WNT9B: variants seen among roughly 807,000 people sequenced by gnomAD.
The protein encoded by WNT9B is Wnt family member 9B.
WNT9B carries 12 observed loss-of-function variants against 30.2 expected under a neutral mutation model. The observed-to-expected ratio is 0.40, with a 90% confidence interval of 0.26 to 0.64. The LOEUF is 0.64. WNT9B is among the 30% of genes least tolerant of loss of function. WNT9B has a pLI of 0.42. For missense variants in WNT9B, 442 were observed against 485.2 expected, an observed-to-expected ratio of 0.91 and a Z score of 0.84; for synonymous variants, 218 against 216.9, an observed-to-expected ratio of 1.01 and a Z score of -0.05.
chr17:46,834,804 C>T (rs1486253135), intron 1 of WNT9B, among the ~76,000 whole-genome samples: 2 of 152,138 alleles, frequency 1.3e-5, no homozygotes, highest in Non-Finnish European at 2.9e-5. Context: ...TTCCCCCACG[C>T]TAATATACTC....
At chr17:46,870,904 C>CTTTTTTTTTTTTTTTTTTTTTTTTT (rs144277402) in intron 1 of WNT9B, among the ~76,000 whole-genome samples, 2 of 78,386 alleles carry the variant, frequency 2.6e-5, no homozygotes, top group African/African-American at 1.0e-4. Context: ...TCCACCTTTG[C>CTTTTTTTTTTTTTTTTTTTTTTTTT]TTTTTTTTTT....
chr17:46,849,856 T>TG (rs1233916736), upstream of WNT9B, among the ~76,000 whole-genome samples: 1 of 151,644 alleles, frequency 6.6e-6, no homozygotes, highest in Non-Finnish European at 1.5e-5. Flanking sequence ...TATCTTTTTT[T>TG]TTTTGTTTTG....
Position 46,851,830 on chromosome 17 carries a change from C to T in WNT9B, c.77+115C>T. 2.0e-6 allele frequency: 1 copy of T among 492,496 alleles called. No individual in the cohort carries two copies. Among genetic ancestry groups the T allele is most frequent in the East Asian group, 3.9e-5 (1 of 25,644 alleles). The allele number at this position is 492,496 out of a possible 1,614,324, so 30.5% of individuals were successfully genotyped here. A position where few individuals can be genotyped will look rare whatever the true frequency, so the allele number is the denominator to read the frequency against. On this transcript the variant is annotated intron_variant, in intron 1 of 3. Transcript: ENST00000290015. This position sits in a 1 kb window ranked among gnomAD's most constrained non-coding sequence, Gnocchi z 4.3. ...TCCTTGGCCCCGCCGAGGTCTCGAACTCAGACCCTAGCCCGGCGCGACCCA... is the reference window on the plus strand; with the variant it reads ...TCCTTGGCCCCGCCGAGGTCTCGAATTCAGACCCTAGCCCGGCGCGACCCA...
chr17:46,876,288 T>C lies in WNT9B; in HGVS notation c.644T>C (p.Val215Ala), dbSNP rs1259325946. ...GLRTTCKCHGVSGSCAVRTCW... is the reference protein window; with the variant it reads ...GLRTTCKCHGASGSCAVRTCW... ...AGGACCACGTGTAAGTGCCATGGCGTATCAGGCTCCTGTGCCGTGCGCACC... is the reference window on the plus strand; with the variant it reads ...AGGACCACGTGTAAGTGCCATGGCGCATCAGGCTCCTGTGCCGTGCGCACC... The change falls in exon 4 of 4, where the codon GTA becomes GCA. Residue 215 changes from valine (V) to alanine (A), a missense_variant. By Grantham distance (64) the Val-to-Ala change is moderately conservative. Transcript: ENST00000290015. 6.2e-7 allele frequency: 1 copy of C among 1,613,984 alleles called. No homozygotes were observed. Among genetic ancestry groups the C allele is most frequent in the South Asian group, 1.1e-5 (1 of 91,056 alleles).
At chr17:46,861,009 G>A (rs939215532) in intron 1 of WNT9B, among the ~76,000 whole-genome samples, 2 of 152,174 alleles carry the variant, frequency 1.3e-5, no homozygotes, top group Non-Finnish European at 2.9e-5. Flanking sequence ...CAGGCCCAAG[G>A]CATCATACCT....
At chr17:46,857,589 T>G (rs1394351580) in intron 1 of WNT9B, among the ~76,000 whole-genome samples, 2 of 152,214 alleles carry the variant, frequency 1.3e-5, no homozygotes, top group Non-Finnish European at 2.9e-5. Context: ...TGTTTTCATT[T>G]CTCTTGGATA....
At chr17:46,856,805 A>T (rs1019967008) in intron 1 of WNT9B, among the ~76,000 whole-genome samples, 4 of 152,178 alleles carry the variant, frequency 2.6e-5, no homozygotes, top group African/African-American at 9.7e-5. Flanking sequence ...TTTAAATTGC[A>T]CAGTTTGGGT....
chr17:46,866,459 G>A (rs1350622924), intron 1 of WNT9B, among the ~76,000 whole-genome samples: 2 of 151,868 alleles, frequency 1.3e-5, no homozygotes, highest in Non-Finnish European at 2.9e-5. Flanking sequence ...TGTGTGTGAG[G>A]GAGTGTGAGT....
chr17:46,863,268 G>C (rs2085073837), intron 1 of WNT9B, among the ~76,000 whole-genome samples: 1 of 152,248 alleles, frequency 6.6e-6, no homozygotes, highest in South Asian at 2.1e-4. Context: ...ACTGCAGGGA[G>C]GCTGAGGGAC....
chr17:46,839,680 C>T (rs1193757554), intron 1 of WNT9B, among the ~76,000 whole-genome samples: 1 of 152,198 alleles, frequency 6.6e-6, no homozygotes, highest in Admixed American at 6.5e-5. Flanking sequence ...TCTCCCTCCC[C>T]CAGTCCCCCC....
intron 1 of WNT9B, among the ~76,000 whole-genome samples, chr17:46,861,301 C>A (rs2085033535): frequency 6.6e-6 from 1 of 152,248 alleles, no homozygotes; most frequent in South Asian, 2.1e-4. Flanking sequence ...TAGTAGAGAC[C>A]TCGGGGCCCT....
Position 46,878,703 on chromosome 17 carries a change from G to A in WNT9B, c.*1985G>A, listed in dbSNP as rs1401637583. On this transcript the variant is annotated 3_prime_UTR_variant, in exon 4 of 4. Coordinates refer to ENST00000290015, the MANE Select transcript of WNT9B (RefSeq NM_003396.3). ...GGCGTAAGGCAGCAGGGACCTCACT[G>A]GCAGAGCAGGGGGCCTGGGAGCAAC... Among the ~76,000 whole-genome samples, 1 of 152,136 alleles carries A rather than the reference G, an allele frequency of 6.6e-6. No homozygotes were observed. The highest frequency in any genetic ancestry group is 1.5e-5 in the Non-Finnish European group (1 of 68,030).
chr17:46,860,491 A>C (rs1210380459), intron 1 of WNT9B, among the ~76,000 whole-genome samples: 1 of 152,182 alleles, frequency 6.6e-6, no homozygotes, highest in Non-Finnish European at 1.5e-5. Flanking sequence ...TCTACCACTT[A>C]CTGACTGACC....
chr17:46,881,306 C>T (rs1244002431), downstream of WNT9B, among the ~76,000 whole-genome samples: 1 of 152,288 alleles, frequency 6.6e-6, no homozygotes, highest in African/African-American at 2.4e-5. Flanking sequence ...TCCTAACATG[C>T]TCCTTCTACC....
At chr17:46,860,252 G>T (rs2085013208) in intron 1 of WNT9B, among the ~76,000 whole-genome samples, 1 of 152,182 alleles carries the variant, frequency 6.6e-6, no homozygotes, top group Non-Finnish European at 1.5e-5. Context: ...GAGGAGGGAA[G>T]CGGGGCCGGC....
chr17:46,847,944 C>T (rs1036540071), upstream of WNT9B, among the ~76,000 whole-genome samples: 4 of 149,612 alleles, frequency 2.7e-5, no homozygotes, highest in African/African-American at 9.9e-5. Context: ...AGCTTTCAGC[C>T]TCATCATGTT....
chr17:46,858,865 C>A (rs902788150), intron 1 of WNT9B, among the ~76,000 whole-genome samples: 1 of 151,792 alleles, frequency 6.6e-6, no homozygotes. Flanking sequence ...TGGGGTTTTG[C>A]TATGTTGCTC....
At chr17:46,868,300 C>A (rs1380394514) in intron 1 of WNT9B, among the ~76,000 whole-genome samples, 1 of 152,146 alleles carries the variant, frequency 6.6e-6, no homozygotes. Flanking sequence ...TCATTAAGAC[C>A]CCCATATTTG....
intron 2 of WNT9B, 31 bp downstream of exon 2, chr17:46,872,804 C>T (rs1408157860): frequency 6.1e-6 from 8 of 1,312,020 alleles, no homozygotes; most frequent in Admixed American, 3.9e-5. Flanking sequence ...ACGGGGAGGG[C>T]TGGGGGAAGA....
Sources: gnomAD v4.1 joint callset for allele counts (sites outside exome capture counted in the v4.1 genomes callset) on GRCh38, gnomAD v4.1.1 for gene constraint, Gnocchi (gnomAD v3.1) non-coding constraint, MANE v1.5 for transcripts, NCBI Gene and HGNC (gene_info 2026-07-23, HGNC 2026-07-21) for gene names.